Variants in COL4A1 observed in about 807,000 individuals in gnomAD.
COL4A1 encodes collagen type IV alpha 1 chain.
In COL4A1, 40 loss-of-function variants were observed where a neutral mutation model predicts 216.6. That is an observed-to-expected ratio of 0.18 (90% CI 0.14 to 0.24). The LOEUF is 0.24. COL4A1 is among the 10% of genes least tolerant of loss of function. COL4A1 has a pLI of 1.00. For synonymous variants in COL4A1, 839 were observed against 810.7 expected, an observed-to-expected ratio of 1.03 and a Z score of -0.59; for missense variants, 1,628 against 2,196.8, an observed-to-expected ratio of 0.74 and a Z score of 5.18.
chr13:110,300,281 C>A (rs1884441080), intron 1 of COL4A1, among the ~76,000 whole-genome samples: 1 of 152,138 alleles, frequency 6.6e-6, no homozygotes, highest in Admixed American at 6.5e-5. Context: ...TATCTTTGTG[C>A]AATGAAGACA....
At chr13:110,242,119 CT>C (rs755962780) in intron 2 of COL4A1, among the ~76,000 whole-genome samples, 3 of 152,182 alleles carry the variant, frequency 2.0e-5, no homozygotes, top group Non-Finnish European at 4.4e-5. Context: ...TCCAGAGAAA[CT>C]TATCTTTATC....
intron 8 of COL4A1, among the ~76,000 whole-genome samples, chr13:110,210,737 T>C (rs1189677257): frequency 2.6e-5 from 4 of 152,206 alleles, no homozygotes; most frequent in Non-Finnish European, 4.4e-5. Context: ...CAGTAGACTC[T>C]GAATAAGGCA....
intron 1 of COL4A1, among the ~76,000 whole-genome samples, chr13:110,243,545 C>G (rs909288041): frequency 1.3e-5 from 2 of 152,144 alleles, no homozygotes; most frequent in Admixed American, 1.3e-4. Context: ...TCTCGAACTC[C>G]TGACCTCATG....
At chr13:110,150,512 G>T in intron 51 of COL4A1, 68 bp from the exon 52 acceptor site, 1 of 1,478,022 alleles carries the variant, frequency 6.8e-7, no homozygotes, top group Non-Finnish European at 9.4e-7. Flanking sequence ...TGGCACTCCT[G>T]CCCTGCTCGG....
At chr13:110,198,031 TA>T (rs1878983007) in intron 21 of COL4A1, among the ~76,000 whole-genome samples, 1 of 152,028 alleles carries the variant, frequency 6.6e-6, no homozygotes, top group Non-Finnish European at 1.5e-5. Flanking sequence ...TTCTGGACTT[TA>T]CTAATGTAAT....
At chr13:110,216,251 T>C (rs149485220) in intron 2 of COL4A1, among the ~76,000 whole-genome samples, 3,251 of 152,238 alleles carry the variant, frequency 0.021, 33 homozygotes, top group Non-Finnish European at 0.032. Context: ...CTTGTTCAAA[T>C]GAAGAGCTCC....
At chr13:110,225,455 C>A (rs112704056) in intron 2 of COL4A1, among the ~76,000 whole-genome samples, 5 of 152,132 alleles carry the variant, frequency 3.3e-5, no homozygotes, top group Non-Finnish European at 1.5e-5. Context: ...TGGTGGCACA[C>A]GCCTGTAATC....
chr13:110,151,707 C>G (rs1345767411), intron 51 of COL4A1, among the ~76,000 whole-genome samples: 1 of 152,184 alleles, frequency 6.6e-6, no homozygotes, highest in Non-Finnish European at 1.5e-5. Flanking sequence ...GGGGCTGCAG[C>G]TGGGGCTCGG....
At chr13:110,188,307 T>G (rs771507209) in intron 24 of COL4A1, among the ~76,000 whole-genome samples, 17 of 152,266 alleles carry the variant, frequency 1.1e-4, no homozygotes, top group Non-Finnish European at 1.9e-4. Context: ...TATGAATCCC[T>G]CACATGCACA....
At chr13:110,274,962 C>T (rs1388130306) in intron 1 of COL4A1, among the ~76,000 whole-genome samples, 1 of 152,210 alleles carries the variant, frequency 6.6e-6, no homozygotes, top group Non-Finnish European at 1.5e-5. Context: ...TCCAAAAATC[C>T]TTGCTCGCAG....
chr13:110,294,905 A>G (rs1884209895), intron 1 of COL4A1, among the ~76,000 whole-genome samples: 1 of 152,194 alleles, frequency 6.6e-6, no homozygotes, highest in Non-Finnish European at 1.5e-5. Flanking sequence ...TCTTACATGA[A>G]TGAATGAATA....
At chr13:110,284,921 G>C (rs573787134) in intron 1 of COL4A1, among the ~76,000 whole-genome samples, 3 of 152,324 alleles carry the variant, frequency 2.0e-5, no homozygotes, top group African/African-American at 4.8e-5. Context: ...GCCTAGAGAT[G>C]ACACCGTCCC....
rs1373392260 is a variant in COL4A1, at chr13:110,152,515, C to G, written c.4756-9G>C. On this transcript the variant is annotated splice_polypyrimidine_tract_variant and intron_variant, in intron 50 of 51. Coordinates refer to ENST00000375820, the MANE Select transcript of COL4A1 (RefSeq NM_001845.6). ...GCACCAGCGCTGGTGTGCTGCAGAA[C>G]AGATGCGAGCCGTGAGTCAGAGGTT... is the stretch of plus-strand genomic sequence containing the variant. 9 of 1,606,932 alleles carry G rather than the reference C, an allele frequency of 5.6e-6. No individual in the cohort carries two copies. The highest frequency in any genetic ancestry group is 7.6e-6 in the Non-Finnish European group (9 of 1,178,936).
At chr13:110,184,562 C>T (rs1362110143) in intron 26 of COL4A1, among the ~76,000 whole-genome samples, 1 of 152,194 alleles carries the variant, frequency 6.6e-6, no homozygotes, top group African/African-American at 2.4e-5. Context: ...ATGCTAAGTA[C>T]TCACTGATTA....
rs1317853691 is a variant in COL4A1 at position 110,164,863 on chromosome 13, T to C, written c.4149A>G (p.Gln1383=). The C allele has an allele frequency of 1.2e-6, 2 of 1,612,562 alleles. No individual in the cohort carries two copies. Among genetic ancestry groups the C allele is most frequent in the Non-Finnish European group, 8.5e-7 (1 of 1,179,366 alleles). The part of the protein sequence containing the change: ...LQGLPGPKGQ[Q]GVTGLVGIPG... Reference sequence around the variant, plus strand: ...CCTGCACAGGCCAAGCCTTCTCACCTTGCTGGCCTTTCGGGCCTGGCAGTC... The same window carrying C: ...CCTGCACAGGCCAAGCCTTCTCACCCTGCTGGCCTTTCGGGCCTGGCAGTC... Residue 1383 remains glutamine, a splice_region_variant and synonymous_variant, in exon 46 of 52, where the codon CAA becomes CAG. Transcript: ENST00000375820.
At chr13:110,223,018 G>A (rs1466524481) in intron 2 of COL4A1, among the ~76,000 whole-genome samples, 2 of 152,020 alleles carry the variant, frequency 1.3e-5, no homozygotes, top group Non-Finnish European at 2.9e-5. Context: ...TTGCGTTACA[G>A]GTAAATGCGG....
chr13:110,182,500 A>C (rs1014692110), intron 28 of COL4A1, among the ~76,000 whole-genome samples: 1 of 152,246 alleles, frequency 6.6e-6, no homozygotes, highest in Non-Finnish European at 1.5e-5. Context: ...AGTAGACCTA[A>C]GAAATGTGAA....
At chr13:110,199,422 C>A (rs183580196) in intron 20 of COL4A1, among the ~76,000 whole-genome samples, 1 of 152,136 alleles carries the variant, frequency 6.6e-6, no homozygotes, top group Non-Finnish European at 1.5e-5. Context: ...AGACATCCAG[C>A]CTGTCACTGG....
chr13:110,179,424 G>A lies in COL4A1; in HGVS notation c.2194-3C>T. 6.2e-7 allele frequency: 1 copy of A among 1,614,114 alleles called. No individual in the cohort carries two copies. Among genetic ancestry groups the A allele is most frequent in the Non-Finnish European group, 8.5e-7 (1 of 1,180,038 alleles). On this transcript the variant is annotated splice_region_variant and splice_polypyrimidine_tract_variant and intron_variant, in intron 29 of 51. Coordinates refer to ENST00000375820, the MANE Select transcript of COL4A1 (RefSeq NM_001845.6). ...GGTAGACCAACTCCAGGCTCTCCCT[G>A]AAAATCCCCAAAGCACAGAGAAGCA...
Sources: allele counts gnomAD v4.1 joint callset (sites outside exome capture counted in the v4.1 genomes callset), GRCh38; gene constraint gnomAD v4.1.1; transcripts MANE v1.5; gene names NCBI Gene and HGNC (gene_info 2026-07-23, HGNC 2026-07-21).